Variants in DOK5 observed in about 807,000 individuals in gnomAD.
DOK5 encodes the protein docking protein 5.
A neutral mutation model predicts 43.3 loss-of-function variants in DOK5; 27 were observed. The ratio of observed to expected loss-of-function variants is 0.62; its 90% CI spans 0.46 to 0.86. The LOEUF (loss-of-function observed/expected upper bound fraction) is 0.86. Ranked by LOEUF, DOK5 falls within the 40% of genes least tolerant of loss-of-function variation. DOK5 has a pLI of 0.00. For synonymous variants in DOK5, 146 were observed against 140.1 expected (o/e 1.04, Z -0.30); for missense variants, 373 against 392.9 (o/e 0.95, Z 0.43).
chr20:54,613,065 C>G (rs982379674), intron 6 of DOK5, among the ~76,000 whole-genome samples: 1 of 152,160 alleles, frequency 6.6e-6, no homozygotes, highest in Non-Finnish European at 1.5e-5. Context: ...AATAGCTGAG[C>G]CATCATTAGC....
chr20:54,605,236 T>C (rs1367080138), intron 5 of DOK5, among the ~76,000 whole-genome samples: 1 of 152,166 alleles, frequency 6.6e-6, no homozygotes, highest in Non-Finnish European at 1.5e-5. Flanking sequence ...TGTTTACTTA[T>C]TCATTCTGTC....
chr20:54,646,020 A>C, intron 7 of DOK5, among the ~76,000 whole-genome samples: 1 of 150,802 alleles, frequency 6.6e-6, no homozygotes, highest in East Asian at 1.9e-4. Flanking sequence ...AAATAAGCTT[A>C]CCTTCCAAGA....
intron 1 of DOK5, among the ~76,000 whole-genome samples, chr20:54,504,374 A>T (rs1340529679): frequency 6.6e-6 from 1 of 152,246 alleles, no homozygotes; most frequent in Non-Finnish European, 1.5e-5. Flanking sequence ...AAAATGAAGC[A>T]ATATTAGACA....
At chr20:54,611,451 C>T (rs1365142559) in intron 6 of DOK5, among the ~76,000 whole-genome samples, 1 of 151,992 alleles carries the variant, frequency 6.6e-6, no homozygotes, top group Non-Finnish European at 1.5e-5. Flanking sequence ...GTTCCGGCTA[C>T]TCAAGAGGCT....
intron 1 of DOK5, among the ~76,000 whole-genome samples, chr20:54,485,557 G>A (rs1981900162): frequency 6.6e-6 from 1 of 152,142 alleles, no homozygotes; most frequent in Admixed American, 6.5e-5. Context: ...CTCACCTGTC[G>A]AAGGACATGG....
chr20:54,526,589 A>T (rs1306567279), intron 1 of DOK5, among the ~76,000 whole-genome samples: 1 of 152,252 alleles, frequency 6.6e-6, no homozygotes, highest in Admixed American at 6.5e-5. Flanking sequence ...GAAACCAAGT[A>T]TATGGGATTT....
intron 4 of DOK5, among the ~76,000 whole-genome samples, chr20:54,590,476 T>A (rs1179732398): frequency 6.6e-6 from 1 of 152,132 alleles, no homozygotes; most frequent in African/African-American, 2.4e-5. Context: ...CTCTTACTTT[T>A]TACTTAATAT....
intron 1 of DOK5, among the ~76,000 whole-genome samples, chr20:54,527,076 C>T (rs916589223): frequency 2.0e-5 from 3 of 152,110 alleles, no homozygotes; most frequent in East Asian, 1.9e-4. Context: ...GAACAATTCA[C>T]GAAAGTTATT....
intron 1 of DOK5, among the ~76,000 whole-genome samples, chr20:54,511,765 A>G (rs912052358): frequency 6.6e-6 from 1 of 152,152 alleles, no homozygotes; most frequent in Non-Finnish European, 1.5e-5. Context: ...TCTTTCCTTC[A>G]TTCTCATACA....
intron 5 of DOK5, among the ~76,000 whole-genome samples, chr20:54,598,316 G>A (rs1436591366): frequency 2.0e-5 from 3 of 152,128 alleles, no homozygotes; most frequent in Non-Finnish European, 4.4e-5. Flanking sequence ...TATTTTGTTT[G>A]AAGTTTTCTT....
intron 1 of DOK5, among the ~76,000 whole-genome samples, chr20:54,515,205 G>T (rs530925986): frequency 6.6e-6 from 1 of 152,170 alleles, no homozygotes; most frequent in Admixed American, 6.5e-5. Flanking sequence ...AGATACGGGG[G>T]TTTCACTATG....
chr20:54,637,250 A>G (rs1978867817), intron 6 of DOK5, among the ~76,000 whole-genome samples: 3 of 152,166 alleles, frequency 2.0e-5, no homozygotes. Flanking sequence ...AAGTCGATTG[A>G]TTGCTTTAAG....
intron 1 of DOK5, among the ~76,000 whole-genome samples, chr20:54,512,795 C>T (rs1344593310): frequency 6.6e-6 from 1 of 152,150 alleles, no homozygotes; most frequent in African/African-American, 2.4e-5. Context: ...AAGCCCATCA[C>T]CAGAGCACGT....
intron 1 of DOK5, among the ~76,000 whole-genome samples, chr20:54,507,427 A>G (rs1982849966): frequency 6.6e-6 from 1 of 152,208 alleles, no homozygotes; most frequent in South Asian, 2.1e-4. Flanking sequence ...TATATCCAAG[A>G]CATTATCATC....
At chr20:54,476,072 A>G (rs902279549) in intron 1 of DOK5, 60 bp downstream of exon 1, 8 of 1,601,626 alleles carry the variant, frequency 5.0e-6, no homozygotes, top group Non-Finnish European at 6.8e-6. Flanking sequence ...CTCTTGAGCC[A>G]GCATCCCTGG....
intron 1 of DOK5, among the ~76,000 whole-genome samples, chr20:54,483,311 C>T (rs183061103): frequency 2.8e-4 from 43 of 152,160 alleles, no homozygotes; most frequent in African/African-American, 9.4e-4. Flanking sequence ...TGTGGGGAAT[C>T]GTTTGGTATT....
chr20:54,493,479 C>T (rs1982276525), intron 1 of DOK5, among the ~76,000 whole-genome samples: 1 of 152,088 alleles, frequency 6.6e-6, no homozygotes, highest in Admixed American at 6.5e-5. Flanking sequence ...TCTGACATAT[C>T]CCAGTCTAAA....
chr20:54,566,880 G>T (rs1016913358), intron 2 of DOK5, among the ~76,000 whole-genome samples: 1 of 152,114 alleles, frequency 6.6e-6, no homozygotes, highest in African/African-American at 2.4e-5. Context: ...GCCTCCCGAA[G>T]CACTGGGATT....
intron 5 of DOK5, among the ~76,000 whole-genome samples, chr20:54,598,059 T>C (rs908234389): frequency 6.6e-6 from 1 of 152,128 alleles, no homozygotes; most frequent in Non-Finnish European, 1.5e-5. Context: ...TATGTTCTCT[T>C]AGTTTGGAGT....
Sources: allele counts gnomAD v4.1 joint callset (sites outside exome capture counted in the v4.1 genomes callset), GRCh38; gene constraint gnomAD v4.1.1; transcripts MANE v1.5; gene names NCBI Gene and HGNC (gene_info 2026-07-23, HGNC 2026-07-21).